TEX22: variants seen among roughly 807,000 people sequenced by gnomAD.
The protein encoded by TEX22 is testis-expressed protein 22.
Under a neutral mutation model 11.3 loss-of-function variants are expected in TEX22, and 16 were observed. The observed-to-expected ratio is 1.42, with a 90% CI of 0.96 to 2.15. The LOEUF (loss-of-function observed/expected upper bound fraction) is 2.15, where lower values mean the gene tolerates loss of function less well. TEX22 is among the 30% of genes most tolerant of loss of function. The pLI is 0.00. For missense variants in TEX22, 220 were observed against 208.6 expected, an observed-to-expected ratio of 1.05 and a Z score of -0.34; for synonymous variants, 97 against 92.3, an observed-to-expected ratio of 1.05 and a Z score of -0.29.
At chr14:105,399,597 G>C in intron 2 of TEX22, 107 bp downstream of exon 2, 1 of 1,239,640 alleles carries the variant, frequency 8.1e-7, no homozygotes, top group Non-Finnish European at 1.1e-6. Flanking sequence ...CCTCAGGGGA[G>C]GGCTGAGTGG....
rs2081596705 is a variant in TEX22 at position 105,398,542 on chromosome 14, T to C, written c.-133T>C. On this transcript the variant is annotated 5_prime_UTR_variant, in exon 1 of 4. Transcript: ENST00000451127. The stretch of plus-strand genomic sequence containing the variant: ...GAACCGGTGGGGGCGGGGCTTGCCG[T>C]AGCGGACGTTCTGGAGCGAGGCGCC... 1 of 152,000 alleles carries C rather than the reference T, an allele frequency of 6.6e-6. No individual in the cohort carries two copies. The highest frequency in any genetic ancestry group is 1.5e-5 in the Non-Finnish European group (1 of 68,010). The allele number at this position is 152,000 out of a possible 1,614,324, so 9.4% of individuals were successfully genotyped here. A position where few individuals can be genotyped will look rare whatever the true frequency, so the allele number is the denominator to read the frequency against.
chr14:105,398,911 C>T (rs2081604915), intron 1 of TEX22, among the ~76,000 whole-genome samples: 1 of 152,378 alleles, frequency 6.6e-6, no homozygotes, highest in Non-Finnish European at 1.5e-5. Context: ...GTGGCAAGAG[C>T]TCTGGGCCTT....
intron 2 of TEX22, among the ~76,000 whole-genome samples, chr14:105,404,179 C>T (rs942624828): frequency 2.6e-5 from 4 of 152,212 alleles, no homozygotes; most frequent in African/African-American, 4.8e-5. Context: ...ACTGCTTCCA[C>T]GGCAGCTCAC....
rs587755313 is a variant in TEX22 at position 105,399,588 on chromosome 14, C to G, written c.150+98C>G. ...CTCCAGGCTGGTCGTGATGAGCAGC[C>G]TCAGGGGAGGGCTGAGTGGGGACTG... On this transcript the variant is annotated intron_variant, in intron 2 of 3. Coordinates refer to ENST00000451127, the MANE Select transcript of TEX22 (RefSeq NM_001195082.2). The G allele has an allele frequency of 3.0e-6, 4 of 1,354,652 alleles. No individual in the cohort carries two copies. In the African/African-American group the frequency reaches 5.9e-5, roughly 20 times the overall value. The allele number at this position is 1,354,652 out of a possible 1,614,324, so 83.9% of individuals were successfully genotyped here.
Position 105,412,376 on chromosome 14 carries a change from A to T in TEX22, c.*543A>T, listed in dbSNP as rs2081699629. ...GTGGTGGGGAGCAGCAAGCCCAGGG[A>T]CCCAATGCAGTGCCCAGCACAGAGG... On this transcript the variant is annotated 3_prime_UTR_variant, in exon 4 of 4. Transcript: ENST00000451127. This position sits in a 1 kb window ranked among gnomAD's most constrained non-coding sequence, Gnocchi z 5.8. 6.5e-6 allele frequency: 1 copy of T among 152,918 alleles called. No homozygotes were observed. The highest frequency in any genetic ancestry group is 1.5e-5 in the Non-Finnish European group (1 of 68,564). 9.5% of individuals were successfully genotyped at this position (152,918 alleles called of 1,614,324 possible). A position where few individuals can be genotyped will look rare whatever the true frequency, so the allele number is the denominator to read the frequency against.
At chr14:105,407,753 T>A (rs1364015444) in intron 2 of TEX22, among the ~76,000 whole-genome samples, 3 of 152,222 alleles carry the variant, frequency 2.0e-5, no homozygotes, top group African/African-American at 7.2e-5. Context: ...TTTTGGAATG[T>A]CCATATCAAC....
At position 105,399,307 on chromosome 14, in the gene TEX22, A is replaced by G. The variant is rs1434319089; in HGVS notation, c.-34A>G. 4 of 1,476,172 alleles carry G rather than the reference A, an allele frequency of 2.7e-6. No homozygotes were observed. Among genetic ancestry groups the G allele is most frequent in the Non-Finnish European group, 3.6e-6 (4 of 1,113,022 alleles). 91.4% of individuals were successfully genotyped at this position (1,476,172 alleles called of 1,614,324 possible). On this transcript the variant is annotated 5_prime_UTR_variant, in exon 2 of 4. Transcript: ENST00000451127. ...CCCCCTGCTCCTACCCCCAGATCTCAGAGGTGTGGACAAGCAGCCTACTAG... is the reference window on the plus strand; with the variant it reads ...CCCCCTGCTCCTACCCCCAGATCTCGGAGGTGTGGACAAGCAGCCTACTAG...
At chr14:105,403,061 G>A (rs911472682) in intron 2 of TEX22, among the ~76,000 whole-genome samples, 1 of 152,154 alleles carries the variant, frequency 6.6e-6, no homozygotes, top group Admixed American at 6.6e-5. Flanking sequence ...TTTATTGAAA[G>A]CCGCTCCACT....
rs139062924 is a variant in TEX22, at chr14:105,402,556, C to T, written c.150+3066C>T. On this transcript the variant is annotated intron_variant, in intron 2 of 3. Coordinates refer to ENST00000451127, the MANE Select transcript of TEX22 (RefSeq NM_001195082.2). Reference sequence around the variant, plus strand: ...GATCACAAGGTCTGGAGATCAAGACCATCCTGGCTAACACGGTGAAACCCC... The same window carrying T: ...GATCACAAGGTCTGGAGATCAAGACTATCCTGGCTAACACGGTGAAACCCC... Among the ~76,000 whole-genome samples the T allele has an allele frequency of 3.5e-3, 536 of 151,950 alleles. 8 individuals carry two copies. In the East Asian group the frequency reaches 0.039, roughly 11 times the overall value.
chr14:105,407,089 A>ATTT (rs2081662507), intron 2 of TEX22, among the ~76,000 whole-genome samples: 1 of 80,078 alleles, frequency 1.2e-5, no homozygotes, highest in African/African-American at 8.3e-5. Flanking sequence ...TTTTTTTTTG[A>ATTT]GACAGTCTCA....
intron 2 of TEX22, among the ~76,000 whole-genome samples, chr14:105,404,136 T>C (rs1210326509): frequency 6.6e-6 from 1 of 152,218 alleles, no homozygotes; most frequent in Non-Finnish European, 1.5e-5. Context: ...CAGTCAACAC[T>C]TCAGTCATCT....
intron 2 of TEX22, among the ~76,000 whole-genome samples, chr14:105,405,997 A>G (rs1430189084): frequency 6.6e-6 from 1 of 152,220 alleles, no homozygotes; most frequent in East Asian, 1.9e-4. Context: ...AAATGTGGGG[A>G]TTTAATTTAT....
intron 2 of TEX22, among the ~76,000 whole-genome samples, chr14:105,403,947 C>T (rs587642574): frequency 6.6e-6 from 1 of 152,356 alleles, no homozygotes; most frequent in Non-Finnish European, 1.5e-5. Context: ...AGGCATGAGC[C>T]ACCATACCCA....
intron 2 of TEX22, among the ~76,000 whole-genome samples, chr14:105,407,068 A>C (rs1300266340): frequency 3.9e-5 from 3 of 77,102 alleles, no homozygotes; most frequent in Admixed American, 4.2e-4. Context: ...CTAATTTCTT[A>C]ATTTTTTTTT....
rs2141365097 is a variant in TEX22, at chr14:105,413,496, A to G, written c.*1663A>G. 6.6e-6 allele frequency: 1 copy of G among 152,432 alleles called. No individual in the cohort carries two copies. The highest frequency in any genetic ancestry group is 2.4e-5 in the African/African-American group (1 of 41,568). 9.4% of individuals were successfully genotyped at this position (152,432 alleles called of 1,614,324 possible). On this transcript the variant is annotated 3_prime_UTR_variant, in exon 4 of 4. Transcript: ENST00000451127. This position sits in a 1 kb window ranked among gnomAD's most constrained non-coding sequence, Gnocchi z 4.2. The stretch of plus-strand genomic sequence containing the variant: ...GGGGGTTGGCTGGGCTCATCCTGCC[A>G]GCTCTCCTGCTCTCGTTTGAGTGTC...
At chr14:105,400,090 G>A (rs782320169) in intron 2 of TEX22, among the ~76,000 whole-genome samples, 3 of 152,188 alleles carry the variant, frequency 2.0e-5, no homozygotes, top group African/African-American at 4.8e-5. Flanking sequence ...AACCCCACTC[G>A]TGTGGTTCCA....
At position 105,402,688 on chromosome 14, in the gene TEX22, G is replaced by A. The variant is rs377262107; in HGVS notation, c.150+3198G>A. Among the ~76,000 whole-genome samples, 48 of 151,762 alleles carry A rather than the reference G, an allele frequency of 3.2e-4. 1 individual carries two copies. The highest frequency in any genetic ancestry group is 8.4e-4 in the South Asian group (4 of 4,790). ...GGAGAATGGCGTGAACCCGGGAGGC[G>A]GAGCTTGCAGTGAGACGAGATTGCG... On this transcript the variant is annotated intron_variant, in intron 2 of 3. Coordinates refer to ENST00000451127, the MANE Select transcript of TEX22 (RefSeq NM_001195082.2).
chr14:105,412,500 C>T lies in TEX22; in HGVS notation c.*667C>T, dbSNP rs1555419500. On this transcript the variant is annotated 3_prime_UTR_variant, in exon 4 of 4. Coordinates refer to ENST00000451127, the MANE Select transcript of TEX22 (RefSeq NM_001195082.2). The surrounding 1 kb of genome is among the most constrained non-coding windows in gnomAD (Gnocchi z 5.8). ...TATCCTGCGCAGGGGGTCTGAGCAA[C>T]TGTGAGGAGCTGGCTGCCGCAGGGG... 1 of 152,422 alleles carries T rather than the reference C, an allele frequency of 6.6e-6. No individual in the cohort carries two copies. The highest frequency in any genetic ancestry group is 1.5e-5 in the Non-Finnish European group (1 of 68,276). 9.4% of individuals were successfully genotyped at this position (152,422 alleles called of 1,614,324 possible).
Position 105,399,252 on chromosome 14 carries a change from G to T in TEX22, c.-39-50G>T, listed in dbSNP as rs190089218. The T allele has an allele frequency of 2.6e-6, 3 of 1,153,314 alleles. No individual in the cohort carries two copies. The African/African-American group carries it at 4.6e-5, about 18-fold the overall frequency. The allele number at this position is 1,153,314 out of a possible 1,614,324, so 71.4% of individuals were successfully genotyped here. ...CAGGGACTCAGGTATTGGTGGGCACGTGGGTGGCCTTGTGGGCCCCGCCCC... is the reference window on the plus strand; with the variant it reads ...CAGGGACTCAGGTATTGGTGGGCACTTGGGTGGCCTTGTGGGCCCCGCCCC... On this transcript the variant is annotated intron_variant, in intron 1 of 3. Transcript: ENST00000451127.
Sources: gnomAD v4.1 joint callset for allele counts (sites outside exome capture counted in the v4.1 genomes callset) on GRCh38, gnomAD v4.1.1 for gene constraint, Gnocchi (gnomAD v3.1) non-coding constraint, MANE v1.5 for transcripts, NCBI Gene and HGNC (gene_info 2026-07-23, HGNC 2026-07-21) for gene names.